Variants in NEXMIF observed in about 807,000 individuals in gnomAD.
The protein encoded by NEXMIF is XLMR protein related to neurite extension.
NEXMIF carries 8 observed loss-of-function variants against 62.1 expected under a neutral mutation model. That is an observed-to-expected ratio of 0.13 (90% CI 0.08 to 0.23). The LOEUF (loss-of-function observed/expected upper bound fraction) is 0.23, where lower values mean the gene tolerates loss of function less well. NEXMIF is among the 10% of genes least tolerant of loss of function. NEXMIF has a pLI of 1.00. For synonymous variants in NEXMIF, 404 were observed against 416.6 expected, an observed-to-expected ratio of 0.97 and a Z score of 0.37; for missense variants, 976 against 1,113.3, an observed-to-expected ratio of 0.88 and a Z score of 1.75.
At chrX:74,903,325 TACAC>T (rs397897060) in intron 1 of NEXMIF, among the ~76,000 whole-genome samples, 4,691 of 50,893 alleles carry the variant, frequency 0.092, 84 homozygotes, top group Admixed American at 0.12. Context: ...TTCTCAGGCA[TACAC>T]ACACACACAC....
At chrX:74,786,477 A>G (rs1187722085) in intron 1 of NEXMIF, among the ~76,000 whole-genome samples, 6 of 111,718 alleles carry the variant, frequency 5.4e-5, no homozygotes, top group African/African-American at 2.0e-4. Flanking sequence ...AGGCAGATCA[A>G]TTACCTACAG....
chrX:74,874,968 A>C (rs957252729), intron 1 of NEXMIF, among the ~76,000 whole-genome samples: 15 of 110,645 alleles, frequency 1.4e-4, no homozygotes, highest in African/African-American at 5.0e-4. Flanking sequence ...CTCTTTTCCT[A>C]ATTGAATACA....
intron 1 of NEXMIF, among the ~76,000 whole-genome samples, chrX:74,866,074 A>G (rs1307295257): frequency 9.0e-6 from 1 of 111,523 alleles, no homozygotes; most frequent in Non-Finnish European, 1.9e-5. Context: ...ATCTGCCGAC[A>G]GCTTGCACCA....
chrX:74,850,109 TG>T (rs1480506200), intron 1 of NEXMIF, among the ~76,000 whole-genome samples: 1 of 111,703 alleles, frequency 9.0e-6, no homozygotes, highest in Non-Finnish European at 1.9e-5. Flanking sequence ...CCTGGAGGCC[TG>T]GGGATTTCAC....
At chrX:74,807,600 T>C (rs1440189465) in intron 1 of NEXMIF, among the ~76,000 whole-genome samples, 3 of 111,367 alleles carry the variant, frequency 2.7e-5, no homozygotes, top group Non-Finnish European at 5.7e-5. Context: ...GTAGCTGGGA[T>C]TACAGACACG....
chrX:74,873,909 T>G (rs761496380), intron 1 of NEXMIF, among the ~76,000 whole-genome samples: 438 of 111,185 alleles, frequency 3.9e-3, no homozygotes, highest in Non-Finnish European at 5.8e-3. Flanking sequence ...GTCAGATGAG[T>G]AGGTTGCAAA....
At position 74,744,126 on chromosome X, in the gene NEXMIF, C is replaced by T. The variant is rs1029069870; in HGVS notation, c.431G>A (p.Arg144Gln). Reference protein sequence around the residue: ...LNGDCLMQPSRTCLGCFMESK... With the variant: ...LNGDCLMQPSQTCLGCFMESK... ...TTCCATGAAGCAGCCTAAGCAAGTC[C>T]GACTTGGCTGCATGAGACAGTCCCC... Residue 144 changes from arginine to glutamine, a missense_variant, in exon 3 of 4, where the codon CGG (arginine) becomes CAG (glutamine). Coordinates refer to ENST00000055682, the MANE Select transcript of NEXMIF (RefSeq NM_001008537.3). 9 of 1,211,491 alleles carry T rather than the reference C, an allele frequency of 7.4e-6. No individual in the cohort carries two copies. Among genetic ancestry groups the T allele is most frequent in the East Asian group, 3.0e-5 (1 of 33,818 alleles).
chrX:74,744,328 G>A lies in NEXMIF; in HGVS notation c.229C>T (p.Pro77Ser). Residue 77 changes from proline (P) to serine (S), a missense_variant, in exon 3 of 4, where the codon CCG becomes TCG. Physicochemically the swap from Pro to Ser is moderately conservative, Grantham distance 74. Around this residue, in one of 5 missense-constraint regions of NEXMIF, gnomAD observed 126 missense variants for 146.5 expected, o/e 0.86. Coordinates refer to ENST00000055682, the MANE Select transcript of NEXMIF (RefSeq NM_001008537.3). ...TCAATCAGGCCCAAAGGAGAGGGCG[G>A]GCTCTGCATACAGGGCTTCTTAGAG... Reference protein sequence around the residue: ...LPSKKPCMQSPPSPLGLIEAP... With the variant: ...LPSKKPCMQSSPSPLGLIEAP... 1.7e-6 allele frequency: 2 copies of A among 1,211,482 alleles called. No homozygotes were observed. Among genetic ancestry groups the A allele is most frequent in the Non-Finnish European group, 2.2e-6 (2 of 895,469 alleles).
intron 1 of NEXMIF, among the ~76,000 whole-genome samples, chrX:74,791,420 A>G (rs1196841073): frequency 9.0e-6 from 1 of 111,314 alleles, no homozygotes. Flanking sequence ...TTCATCAAGG[A>G]TAGTGGTCTA....
chrX:74,752,122 A>C (rs893965344), intron 1 of NEXMIF, among the ~76,000 whole-genome samples: 1 of 111,516 alleles, frequency 9.0e-6, no homozygotes, highest in African/African-American at 3.3e-5. Flanking sequence ...TTTCGTCTTT[A>C]AAAATTGAAA....
intron 1 of NEXMIF, among the ~76,000 whole-genome samples, chrX:74,757,041 C>G (rs2080161462): frequency 8.9e-6 from 1 of 111,958 alleles, no homozygotes; most frequent in African/African-American, 3.2e-5. Flanking sequence ...CCTGCAACTA[C>G]AGTGTACACT....
At chrX:74,796,236 A>AT (rs1352022999) in intron 1 of NEXMIF, among the ~76,000 whole-genome samples, 1 of 58,560 alleles carries the variant, frequency 1.7e-5, no homozygotes, top group East Asian at 4.0e-4. Context: ...TATAATATAT[A>AT]TATATATACA....
chrX:74,898,164 G>A (rs913603237), intron 1 of NEXMIF, among the ~76,000 whole-genome samples: 1 of 111,604 alleles, frequency 9.0e-6, no homozygotes, highest in African/African-American at 3.3e-5. Flanking sequence ...CTTTACCCTG[G>A]AGAATCCTGA....
In NEXMIF at chrX:74,769,830, T is replaced by A. The variant is rs192329503; in HGVS notation, c.-47-24133A>T. The A allele has an allele frequency of 1.5e-3, 612 of 413,087 alleles. 2 individuals carry two copies. The highest frequency in any genetic ancestry group is 2.4e-3 in the Non-Finnish European group (552 of 234,219). The allele number at this position is 413,087 out of a possible 1,213,427, so 34.0% of individuals were successfully genotyped here. A position where few individuals can be genotyped will look rare whatever the true frequency, so the allele number is the denominator to read the frequency against. ...TATTATACTATAAAAAAATCATTTA[T>A]AAATGTGGTCCTGATCAAGATACAC... On this transcript the variant is annotated intron_variant, in intron 1 of 3. Transcript: ENST00000055682.
chrX:74,823,917 T>C (rs1251657080), intron 1 of NEXMIF, among the ~76,000 whole-genome samples: 2 of 111,694 alleles, frequency 1.8e-5, no homozygotes, highest in Non-Finnish European at 3.8e-5. Context: ...AAATTAAAAA[T>C]TAAAGGAAAA....
rs1417864291 is a variant in NEXMIF at position 74,743,176 on chromosome X, G to A, written c.1381C>T (p.Arg461Cys). The stretch of plus-strand genomic sequence containing the variant: ...GAATTAGTGTCCCGAGCCATATAGC[G>A]ACTACAGTCCTTGATCTCACCCATA... ...DAMGEIKDCS[R>C]YMARDTNSGS... Residue 461 changes from arginine to cysteine, a missense_variant, in exon 3 of 4, where the codon CGC becomes TGC. Transcript: ENST00000055682. 5 of 1,210,661 alleles carry A rather than the reference G, an allele frequency of 4.1e-6. No homozygotes were observed. The highest frequency in any genetic ancestry group is 1.8e-5 in the South Asian group (1 of 56,891).
chrX:74,741,070 A>G lies in NEXMIF; in HGVS notation c.3487T>C (p.Ser1163Pro). 8.3e-7 allele frequency: 1 copy of G among 1,211,536 alleles called. No individual in the cohort carries two copies. Among genetic ancestry groups the G allele is most frequent in the Admixed American group, 2.2e-5 (1 of 46,009 alleles). The change falls in exon 3 of 4, where the codon TCT (serine) becomes CCT (proline). Residue 1163 changes from serine to proline, a missense_variant. Transcript: ENST00000055682. Reference sequence around the variant, plus strand: ...TTGTTGTTGGTACTAATTTGACCAGATGGATCATTAAATGTTGACAGGCAA... The same window carrying G: ...TTGTTGTTGGTACTAATTTGACCAGGTGGATCATTAAATGTTGACAGGCAA... ...NPCLSTFNDPSGQISTNNKVS... is the reference protein window; with the variant it reads ...NPCLSTFNDPPGQISTNNKVS...
chrX:74,769,199 C>A (rs1038459783), intron 1 of NEXMIF, among the ~76,000 whole-genome samples: 5 of 110,589 alleles, frequency 4.5e-5, no homozygotes, highest in Non-Finnish European at 9.5e-5. Context: ...CACCTTGGCA[C>A]CACCTCTTTC....
At chrX:74,853,066 G>A (rs1051169182) in intron 1 of NEXMIF, among the ~76,000 whole-genome samples, 1 of 110,755 alleles carries the variant, frequency 9.0e-6, no homozygotes, top group Non-Finnish European at 1.9e-5. Context: ...TCCATTTTCT[G>A]GGGTATATAC....
Sources: allele counts gnomAD v4.1 joint callset (sites outside exome capture counted in the v4.1 genomes callset), GRCh38; gene constraint gnomAD v4.1.1; regional missense constraint gnomAD v4.1.1; transcripts MANE v1.5; gene names NCBI Gene and HGNC (gene_info 2026-07-23, HGNC 2026-07-21).